The following CCDC30 variants were observed in gnomAD, a reference collection of about 807,000 sequenced individuals.
The protein encoded by CCDC30 is coiled-coil domain containing 30.
Under a neutral mutation model 100.2 loss-of-function variants are expected in CCDC30, and 70 were observed. The observed-to-expected ratio is 0.70, with a 90% CI of 0.58 to 0.85. CCDC30 has a LOEUF of 0.85. CCDC30 is among the 40% of genes least tolerant of loss of function. The pLI is 0.00. For synonymous variants in CCDC30, 233 were observed against 269.5 expected (o/e 0.86, Z 1.33); for missense variants, 652 against 771.2 (o/e 0.85, Z 1.83).
At chr1:42,546,427 TATATATATATATATAG>T (rs1645143969) in intron 6 of CCDC30, among the ~76,000 whole-genome samples, 1 of 91,020 alleles carries the variant, frequency 1.1e-5, no homozygotes, top group African/African-American at 3.7e-5. Context: ...TATATATATA[TATATATATATATATAG>T]TATTCTAATA....
chr1:42,597,440 A>C (rs189109855), intron 10 of CCDC30, among the ~76,000 whole-genome samples: 46 of 152,316 alleles, frequency 3.0e-4, no homozygotes, highest in African/African-American at 1.0e-3. Context: ...CCTTACTCAG[A>C]GAGGAACAAA....
chr1:42,536,562 T>TCTTGACACTGCAGAGAAGGC, intron 6 of CCDC30: 1 of 1,613,546 alleles, frequency 6.2e-7, no homozygotes, highest in Non-Finnish European at 8.5e-7. Context: ...TGGCATCTGG[T>TCTTGACACTGCAGAGAAGGC]CTTGACACTG....
Position 42,653,905 on chromosome 1 carries a change from G to T in CCDC30, c.2010G>T (p.Lys670Asn), listed in dbSNP as rs750986679. Residue 670 changes from lysine (K) to asparagine (N), a missense_variant, in exon 17 of 17, where the codon AAG (lysine) becomes AAT (asparagine). Coordinates refer to ENST00000668663, the Ensembl canonical transcript of CCDC30. ...CAAAAGAAGCAATGGCAAGTTCAAAGTCCCCTGAAAAGTCTCCTGAGAATC... is the reference window on the plus strand; with the variant it reads ...CAAAAGAAGCAATGGCAAGTTCAAATTCCCCTGAAAAGTCTCCTGAGAATC... 1 of 1,614,038 alleles carries T rather than the reference G, an allele frequency of 6.2e-7. No homozygotes were observed. The highest frequency in any genetic ancestry group is 1.7e-5 in the Admixed American group (1 of 60,022).
At position 42,581,059 on chromosome 1, in the gene CCDC30, C is replaced by T. The variant is rs187345310; in HGVS notation, c.847-301C>T. ...TTTACCATGTTGCCCAGGCTGGTCT[C>T]GAACTCCTGAGGCTCAAGCGATTCA... On this transcript the variant is annotated intron_variant, in intron 8 of 16. Coordinates refer to ENST00000668663, the Ensembl canonical transcript of CCDC30. The T allele has an allele frequency of 2.9e-3, 1,085 of 371,312 alleles. 14 individuals carry two copies. The highest frequency in any genetic ancestry group is 0.013 in the South Asian group (546 of 43,308). The allele number at this position is 371,312 out of a possible 1,614,324, so 23.0% of individuals were successfully genotyped here.
At chr1:42,556,235 AAGG>A (rs757718698) in intron 6 of CCDC30, 6 of 1,614,128 alleles carry the variant, frequency 3.7e-6, no homozygotes, top group Non-Finnish European at 4.2e-6. Flanking sequence ...AGAGGGGCAG[AAGG>A]AGGAGGGCTC....
At chr1:42,526,359 C>G (rs1370909476) in intron 6 of CCDC30, among the ~76,000 whole-genome samples, 2 of 151,910 alleles carry the variant, frequency 1.3e-5, no homozygotes, top group African/African-American at 4.8e-5. Context: ...TTTCCATGAC[C>G]TGTTTTTCAT....
chr1:42,640,836 G>A (rs1371884898), intron 12 of CCDC30, among the ~76,000 whole-genome samples: 1 of 152,044 alleles, frequency 6.6e-6, no homozygotes, highest in Non-Finnish European at 1.5e-5. Context: ...AGAGGTTGCA[G>A]TGAGCCGAGA....
chr1:42,497,087 C>G lies in CCDC30; in HGVS notation c.242-11C>G. Reference sequence around the variant, plus strand: ...ATCCAGTTGAGTAAACTGTGTTCTTCTCTGTTTTAGATGCAGCTGACCTAC... The same window carrying G: ...ATCCAGTTGAGTAAACTGTGTTCTTGTCTGTTTTAGATGCAGCTGACCTAC... On this transcript the variant is annotated splice_polypyrimidine_tract_variant and intron_variant, in intron 4 of 16. Transcript: ENST00000668663. 8.2e-7 allele frequency: 1 copy of G among 1,218,100 alleles called. No homozygotes were observed. The highest frequency in any genetic ancestry group is 1.0e-6 in the Non-Finnish European group (1 of 973,284). The allele number at this position is 1,218,100 out of a possible 1,614,324, so 75.5% of individuals were successfully genotyped here. A position where few individuals can be genotyped will look rare whatever the true frequency, so the allele number is the denominator to read the frequency against.
At chr1:42,654,153 A>G in exon 17 of CCDC30, 1 of 664,848 alleles carries the variant, frequency 1.5e-6, no homozygotes, top group South Asian at 1.9e-5. Context: ...AGTCTTCAAA[A>G]CTGCTGATAA....
At chr1:42,579,868 G>A (rs1645925698) in intron 8 of CCDC30, among the ~76,000 whole-genome samples, 1 of 151,626 alleles carries the variant, frequency 6.6e-6, no homozygotes, top group South Asian at 2.1e-4. Context: ...AGTAGCACAT[G>A]CATGTAGTAC....
intron 6 of CCDC30, among the ~76,000 whole-genome samples, chr1:42,531,511 A>G (rs1481323622): frequency 6.6e-6 from 1 of 152,182 alleles, no homozygotes; most frequent in African/African-American, 2.4e-5. Flanking sequence ...CTGTAATCCT[A>G]GCATTTTGGA....
intron 6 of CCDC30, among the ~76,000 whole-genome samples, chr1:42,532,591 T>A (rs569887353): frequency 7.9e-5 from 12 of 152,312 alleles, no homozygotes; most frequent in Non-Finnish European, 1.8e-4. Flanking sequence ...ACAAACATAA[T>A]CTCATTTAAT....
chr1:42,587,767 T>C (rs1433205904), intron 9 of CCDC30, among the ~76,000 whole-genome samples: 8 of 152,210 alleles, frequency 5.3e-5, no homozygotes. Context: ...ATTATCATCA[T>C]CACAGTCTTC....
the CCDC30 span, chr1:42,457,064 A>G: frequency 6.3e-7 from 1 of 1,596,538 alleles, no homozygotes; most frequent in Non-Finnish European, 8.5e-7. Flanking sequence ...CCAGGCACTC[A>G]ATCCGCTAGG....
chr1:42,493,328 G>A (rs1366032077), intron 4 of CCDC30, among the ~76,000 whole-genome samples: 1 of 152,176 alleles, frequency 6.6e-6, no homozygotes, highest in African/African-American at 2.4e-5. Context: ...AGTGGCTCAC[G>A]CCTGTAATCC....
intron 12 of CCDC30, among the ~76,000 whole-genome samples, chr1:42,639,991 A>G (rs1196713855): frequency 1.3e-5 from 2 of 152,028 alleles, no homozygotes; most frequent in East Asian, 1.9e-4. Flanking sequence ...AAAATCTTAG[A>G]AGAATGTTAA....
chr1:42,653,207 T>C (rs546955376), intron 15 of CCDC30, among the ~76,000 whole-genome samples, 169 bp from the exon 20 acceptor site: 1 of 152,208 alleles, frequency 6.6e-6, no homozygotes, highest in African/African-American at 2.4e-5. Context: ...AGGTTATATA[T>C]ATAGAGAGAG....
intron 6 of CCDC30, among the ~76,000 whole-genome samples, chr1:42,518,390 A>G (rs916731082): frequency 2.6e-5 from 4 of 152,200 alleles, no homozygotes; most frequent in African/African-American, 9.7e-5. Flanking sequence ...TATTTATGAG[A>G]TCATATAATC....
rs564001309 is a variant in CCDC30 at position 42,630,601 on chromosome 1, C to T, written c.1278-6636C>T. ...TTTGCCATGTTGGCCAGGCTGTTCT[C>T]GAACTCCTGACCTCAGGTGACCTGC... On this transcript the variant is annotated intron_variant, in intron 11 of 16. Transcript: ENST00000668663. Among the ~76,000 whole-genome samples, 6 of 151,388 alleles carry T rather than the reference C, an allele frequency of 4.0e-5. No individual in the cohort carries two copies. The South Asian group carries it at 1.0e-3, about 26-fold the overall frequency.
Sources: allele counts gnomAD v4.1 joint callset (sites outside exome capture counted in the v4.1 genomes callset), GRCh38; gene constraint gnomAD v4.1.1; transcripts MANE v1.5; gene names NCBI Gene and HGNC (gene_info 2026-07-23, HGNC 2026-07-21).